Variants in NBAS observed in about 807,000 individuals in gnomAD.
NBAS encodes NAG/BC035112 fusion.
In NBAS, 219 loss-of-function variants were observed where a neutral mutation model predicts 302.5. That is an observed-to-expected ratio of 0.72 (90% CI 0.65 to 0.81). The LOEUF is 0.81. NBAS is among the 30% of genes least tolerant of loss of function. NBAS has a pLI of 0.00. For missense variants in NBAS, 2,932 were observed against 2,841.6 expected (o/e 1.03, Z -0.72); for synonymous variants, 1,118 against 1,021.6 (o/e 1.09, Z -1.80).
At chr2:14,850,488 T>A in the NBAS span, among the ~76,000 whole-genome samples, 1 of 95,716 alleles carries the variant, frequency 1.0e-5, no homozygotes, top group Non-Finnish European at 1.8e-5. Flanking sequence ...TGGAAGACTT[T>A]AACACCCCAC....
At chr2:15,159,644 A>G in the NBAS span, among the ~76,000 whole-genome samples, 1 of 152,118 alleles carries the variant, frequency 6.6e-6, no homozygotes, top group Non-Finnish European at 1.5e-5. Flanking sequence ...ATGTTTAATG[A>G]GTGTAGAATT....
At chr2:15,164,921 G>A (rs979877714), downstream of NBAS, among the ~76,000 whole-genome samples, 1 of 152,178 alleles carries the variant, frequency 6.6e-6, no homozygotes, top group Non-Finnish European at 1.5e-5. Context: ...GGAGCTTCCA[G>A]GAGAGAATCC....
At chr2:15,240,976 G>A (rs1187048722) in intron 44 of NBAS, among the ~76,000 whole-genome samples, 1 of 152,126 alleles carries the variant, frequency 6.6e-6, no homozygotes, top group African/African-American at 2.4e-5. Context: ...AGGAGGCTCA[G>A]TGGCATGTTA....
intron 32 of NBAS, among the ~76,000 whole-genome samples, chr2:15,363,465 G>A (rs953578534): frequency 6.6e-6 from 1 of 152,146 alleles, no homozygotes; most frequent in African/African-American, 2.4e-5. Flanking sequence ...CAAAGGTCTT[G>A]TGAATGAAAT....
chr2:14,880,693 A>T, the NBAS span, among the ~76,000 whole-genome samples: 2 of 152,012 alleles, frequency 1.3e-5, no homozygotes, highest in African/African-American at 4.8e-5. Flanking sequence ...TATGAAAGAC[A>T]ATAAAAGAGG....
At chr2:14,799,617 C>T in the NBAS span, among the ~76,000 whole-genome samples, 4 of 152,134 alleles carry the variant, frequency 2.6e-5, no homozygotes, top group Non-Finnish European at 5.9e-5. Context: ...TATATCCTCA[C>T]CAAGCTTCTA....
chr2:15,322,488 A>G (rs919897872), intron 38 of NBAS, among the ~76,000 whole-genome samples: 7 of 152,204 alleles, frequency 4.6e-5, no homozygotes, highest in Admixed American at 1.3e-4. Context: ...TCTGGAAAGC[A>G]CTCAGATAAA....
At chr2:14,920,443 C>G in the NBAS span, among the ~76,000 whole-genome samples, 228 of 152,246 alleles carry the variant, frequency 1.5e-3, no homozygotes, top group African/African-American at 4.6e-3. Context: ...CTAAAGTCAC[C>G]AGCTATATTA....
At chr2:15,085,564 G>A in the NBAS span, among the ~76,000 whole-genome samples, 1 of 152,148 alleles carries the variant, frequency 6.6e-6, no homozygotes, top group Non-Finnish European at 1.5e-5. Context: ...AGGGGGCATG[G>A]CCATGGCTGC....
chr2:15,273,513 G>A (rs1669426094), intron 44 of NBAS, among the ~76,000 whole-genome samples: 1 of 152,118 alleles, frequency 6.6e-6, no homozygotes, highest in Admixed American at 6.6e-5. Flanking sequence ...AAAGGCCAGG[G>A]GATAAATCTC....
the NBAS span, among the ~76,000 whole-genome samples, chr2:14,835,762 T>G: frequency 6.6e-6 from 1 of 152,004 alleles, no homozygotes; most frequent in African/African-American, 2.4e-5. Flanking sequence ...TTTGGGGCCA[T>G]TATGAATAAA....
intron 7 of NBAS, among the ~76,000 whole-genome samples, chr2:15,537,910 C>T (rs1053475632): frequency 2.0e-5 from 3 of 152,138 alleles, no homozygotes; most frequent in Non-Finnish European, 4.4e-5. Flanking sequence ...AAAAGTTTTT[C>T]CTCCCAATCA....
Position 15,190,292 on chromosome 2 carries a change from C to T in NBAS, c.6544G>A (p.Ala2182Thr), listed in dbSNP as rs764997157. 4 of 1,613,908 alleles carry T rather than the reference C, an allele frequency of 2.5e-6. No individual in the cohort carries two copies. The highest frequency in any genetic ancestry group is 3.4e-6 in the Non-Finnish European group (4 of 1,179,894). ...EFQHLVLLLQ[A>T]WPPMKSEYVI... Reference sequence around the variant, plus strand: ...TATTCACTTTTCATAGGTGGCCAAGCTTGCAAAAGTAAAACCAAGTGCTGA... The same window carrying T: ...TATTCACTTTTCATAGGTGGCCAAGTTTGCAAAAGTAAAACCAAGTGCTGA... Residue 2182 changes from alanine (A) to threonine (T), a missense_variant, in exon 49 of 52, where the codon GCT becomes ACT. Coordinates refer to ENST00000281513, the MANE Select transcript of NBAS (RefSeq NM_015909.4).
chr2:15,173,907 TA>T (rs1664412773), intron 51 of NBAS, among the ~76,000 whole-genome samples: 1 of 152,244 alleles, frequency 6.6e-6, no homozygotes, highest in Non-Finnish European at 1.5e-5. Context: ...ACAGGGATAA[TA>T]ATATTTTATC....
At chr2:15,076,128 G>A in the NBAS span, among the ~76,000 whole-genome samples, 2 of 152,048 alleles carry the variant, frequency 1.3e-5, no homozygotes, top group Non-Finnish European at 2.9e-5. Flanking sequence ...TTAGGCACAC[G>A]AGCCCTTGAG....
At chr2:15,025,791 T>G in the NBAS span, among the ~76,000 whole-genome samples, 1 of 152,194 alleles carries the variant, frequency 6.6e-6, no homozygotes, top group Non-Finnish European at 1.5e-5. Flanking sequence ...TAGGATTGCT[T>G]TTTATTTTTG....
chr2:14,814,393 G>A, the NBAS span, among the ~76,000 whole-genome samples: 1 of 152,224 alleles, frequency 6.6e-6, no homozygotes, highest in African/African-American at 2.4e-5. Flanking sequence ...CAGGGGCAAA[G>A]CTACCCAAGG....
rs77106655 is a variant in NBAS at position 15,349,494 on chromosome 2, C to A, written c.4179+2498G>T. Among the ~76,000 whole-genome samples the A allele has an allele frequency of 8.4e-3, 1,283 of 152,222 alleles. 17 individuals are homozygous for A. The highest frequency in any genetic ancestry group is 0.058 in the East Asian group (299 of 5,174). On this transcript the variant is annotated intron_variant, in intron 35 of 51. Coordinates refer to ENST00000281513, the MANE Select transcript of NBAS (RefSeq NM_015909.4). ...AGGACCCTAGAAAATGCTATGGCTGCCATCTGAAGGGAGTGAGTGCAACAA... is the reference window on the plus strand; with the variant it reads ...AGGACCCTAGAAAATGCTATGGCTGACATCTGAAGGGAGTGAGTGCAACAA...
chr2:14,808,576 C>T, the NBAS span, among the ~76,000 whole-genome samples: 2 of 152,220 alleles, frequency 1.3e-5, no homozygotes, highest in Non-Finnish European at 2.9e-5. Flanking sequence ...ACTTACTCCT[C>T]CTTGCCTTCT....
Sources: allele counts gnomAD v4.1 joint callset (sites outside exome capture counted in the v4.1 genomes callset), GRCh38; gene constraint gnomAD v4.1.1; transcripts MANE v1.5; gene names NCBI Gene and HGNC (gene_info 2026-07-23, HGNC 2026-07-21).